The following SPAST variants were observed in gnomAD, a reference collection of about 807,000 sequenced individuals.
SPAST encodes spastic paraplegia 4 (autosomal dominant; spastin).
In SPAST, 30 loss-of-function variants were observed where a neutral mutation model predicts 76.6. The observed-to-expected ratio is 0.39, with a 90% CI of 0.29 to 0.53. The LOEUF (loss-of-function observed/expected upper bound fraction) is 0.53, where lower values mean the gene tolerates loss of function less well. Ranked by LOEUF, SPAST falls within the 20% of genes least tolerant of loss-of-function variation. The pLI is 0.68. For synonymous variants in SPAST, 305 were observed against 281.0 expected, an observed-to-expected ratio of 1.09 and a Z score of -0.86; for missense variants, 717 against 770.5, an observed-to-expected ratio of 0.93 and a Z score of 0.82.
At chr2:32,069,145 G>A (rs1676645115) in intron 1 of SPAST, among the ~76,000 whole-genome samples, 1 of 151,758 alleles carries the variant, frequency 6.6e-6, no homozygotes, top group African/African-American at 2.4e-5. Context: ...CTCCAGAGGT[G>A]GAGATTGCGG....
rs796891675 is a variant in SPAST at position 32,087,880 on chromosome 2, A to G, written c.502+302A>G. Among the ~76,000 whole-genome samples the G allele has an allele frequency of 5.4e-5, 8 of 147,802 alleles. 1 individual carries two copies. The highest frequency in any genetic ancestry group is 2.0e-4 in the African/African-American group (8 of 40,382). On this transcript the variant is annotated intron_variant, in intron 2 of 16. Transcript: ENST00000315285. ...TTAGCTAATTATTATTATTATTATT[A>G]TTATTATTATTACTAGTTTTTGAGA...
intron 7 of SPAST, among the ~76,000 whole-genome samples, chr2:32,120,613 C>A (rs541917405): frequency 6.9e-6 from 1 of 145,734 alleles, no homozygotes; most frequent in Admixed American, 7.0e-5. Context: ...TTTCCTGGAA[C>A]CACCTTCTTC....
chr2:32,081,790 A>AAAAAAAAAAAAAAAAG (rs1677238363), intron 1 of SPAST, among the ~76,000 whole-genome samples: 1 of 148,058 alleles, frequency 6.8e-6, no homozygotes, highest in Non-Finnish European at 1.5e-5. Context: ...TCAAAAAAAA[A>AAAAAAAAAAAAAAAAG]AAAAAAAAAA....
intron 1 of SPAST, among the ~76,000 whole-genome samples, chr2:32,080,675 C>T (rs58211536): frequency 2.7e-5 from 4 of 150,352 alleles, no homozygotes; most frequent in Non-Finnish European, 4.4e-5. Flanking sequence ...ATAAATGTAT[C>T]TAAAGGATAA....
intron 12 of SPAST, among the ~76,000 whole-genome samples, chr2:32,141,328 G>T (rs566862012): frequency 6.6e-6 from 1 of 152,262 alleles, no homozygotes; most frequent in East Asian, 1.9e-4. Context: ...ATCAATTAGG[G>T]TTTATATGGT....
chr2:32,115,753 A>C lies in SPAST; in HGVS notation c.922A>C (p.Thr308Pro), dbSNP rs1236876768. Residue 308 changes from threonine to proline, a missense_variant, in exon 6 of 17, where the codon ACT (threonine) becomes CCT (proline). Around this residue, in one of 3 missense-constraint regions of SPAST, gnomAD observed 543 missense variants for 445.2 expected, o/e 1.22. Transcript: ENST00000315285. Reference sequence around the variant, plus strand: ...TAAACCTTCTACCCCTACAACTGCTACTCGTAAGAAAAAAGACTTGAAGAA... The same window carrying C: ...TAAACCTTCTACCCCTACAACTGCTCCTCGTAAGAAAAAAGACTTGAAGAA... ...TNKPSTPTTATRKKKDLKNFR... is the reference protein window; with the variant it reads ...TNKPSTPTTAPRKKKDLKNFR... The C allele has an allele frequency of 1.9e-6, 3 of 1,611,156 alleles. No homozygotes were observed. The African/African-American group carries it at 4.0e-5, about 22-fold the overall frequency.
chr2:32,093,251 C>T (rs1291090389), intron 3 of SPAST, among the ~76,000 whole-genome samples: 1 of 138,708 alleles, frequency 7.2e-6, no homozygotes, highest in Admixed American at 8.1e-5. Flanking sequence ...GCGGAGCTTG[C>T]AGTGAGCCGA....
chr2:32,084,305 C>T (rs777393344), intron 1 of SPAST, among the ~76,000 whole-genome samples: 12 of 151,654 alleles, frequency 7.9e-5, no homozygotes, highest in East Asian at 2.0e-4. Flanking sequence ...GGACTACAGG[C>T]GCCCGCCACC....
In SPAST at chr2:32,111,396, GTA is replaced by G. The variant is rs1162800755; in HGVS notation, c.683-3233_683-3232del. 1.6e-3 allele frequency among the ~76,000 whole-genome samples: 235 copies of G among 146,872 alleles called. 3 individuals carry two copies. Among genetic ancestry groups the G allele is most frequent in the African/African-American group, 5.2e-3 (210 of 40,582 alleles). ...TATAGTATACTGTATAGCGTATAGA[GTA>G]TATATATAGTATACTGTATAGTGTA... On this transcript the variant is annotated intron_variant, in intron 4 of 16. Transcript: ENST00000315285.
chr2:32,084,055 C>T (rs549903950), intron 1 of SPAST, among the ~76,000 whole-genome samples: 1 of 151,704 alleles, frequency 6.6e-6, no homozygotes, highest in Non-Finnish European at 1.5e-5. Flanking sequence ...GCTGGGATTA[C>T]AGGCATGACC....
intron 8 of SPAST, chr2:32,128,022 T>C (rs1201972957): frequency 4.4e-6 from 1 of 228,390 alleles, no homozygotes; most frequent in East Asian, 1.1e-4. Context: ...TTTTAGACAG[T>C]CTTACTCTAT....
At chr2:32,122,519 G>T (rs1192505707) in intron 7 of SPAST, among the ~76,000 whole-genome samples, 1 of 151,952 alleles carries the variant, frequency 6.6e-6, no homozygotes, top group Non-Finnish European at 1.5e-5. Flanking sequence ...ACGGGGTTTT[G>T]CCATGTTGAC....
At chr2:32,082,008 T>C (rs1223492377) in intron 1 of SPAST, among the ~76,000 whole-genome samples, 353 of 130,536 alleles carry the variant, frequency 2.7e-3, no homozygotes, top group African/African-American at 9.4e-3. Flanking sequence ...TCTCTCTCTT[T>C]TTTTTTTTTT....
chr2:32,126,907 C>T, intron 7 of SPAST, 41 bp from the exon 8 acceptor site: 2 of 1,384,628 alleles, frequency 1.4e-6, no homozygotes, highest in Non-Finnish European at 2.1e-6. Flanking sequence ...CTTAAAATGT[C>T]TCTAGAATCA....
chr2:32,095,798 G>A (rs1441319056), intron 3 of SPAST, among the ~76,000 whole-genome samples: 1 of 152,112 alleles, frequency 6.6e-6, no homozygotes, highest in African/African-American at 2.4e-5. Flanking sequence ...GTGATGACAT[G>A]AACAAATACT....
chr2:32,096,251 A>G (rs985213889), intron 3 of SPAST, among the ~76,000 whole-genome samples: 8 of 152,228 alleles, frequency 5.3e-5, no homozygotes, highest in African/African-American at 1.9e-4. Context: ...TCTGGCCAAC[A>G]TGGCAAAACC....
intron 9 of SPAST, among the ~76,000 whole-genome samples, chr2:32,132,260 G>A (rs1268408955): frequency 4.6e-5 from 7 of 152,104 alleles, no homozygotes; most frequent in Admixed American, 2.0e-4. Context: ...GCGTGGTGGC[G>A]TGTGCCTGTG....
chr2:32,063,926 C>T lies in SPAST; in HGVS notation c.95C>T (p.Ala32Val). The T allele has an allele frequency of 1.3e-6, 2 of 1,595,892 alleles. No individual in the cohort carries two copies. The highest frequency in any genetic ancestry group is 1.7e-6 in the Non-Finnish European group (2 of 1,171,686). ...CCTCCGCCCCCTTGCCTGGCCCCCG[C>T]CCCTCCCGCCGCCGGGCCGGCCCCT... ...PRPPPPCLAP[A>V]PPAAGPAPPP... Residue 32 changes from alanine (A) to valine (V), a missense_variant, in exon 1 of 17, where the codon GCC becomes GTC. Physicochemically the swap from Ala to Val is moderately conservative, Grantham distance 64. Coordinates refer to ENST00000315285, the MANE Select transcript of SPAST (RefSeq NM_014946.4).
At chr2:32,135,350 C>T (rs1269416422) in intron 9 of SPAST, among the ~76,000 whole-genome samples, 3 of 151,096 alleles carry the variant, frequency 2.0e-5, no homozygotes, top group African/African-American at 7.3e-5. Flanking sequence ...AGGATGGTCT[C>T]GATCTCCTGA....
Sources: gnomAD v4.1 joint callset for allele counts (sites outside exome capture counted in the v4.1 genomes callset) on GRCh38, gnomAD v4.1.1 for gene constraint, gnomAD v4.1.1 regional missense constraint, MANE v1.5 for transcripts, NCBI Gene and HGNC (gene_info 2026-07-23, HGNC 2026-07-21) for gene names.